The following GPR137B variants were observed in gnomAD, a reference collection of about 807,000 sequenced individuals.
The protein encoded by GPR137B is G protein-coupled receptor 137B.
Under a neutral mutation model 42.5 loss-of-function variants are expected in GPR137B, and 42 were observed. The observed-to-expected ratio is 0.99, with a 90% confidence interval of 0.77 to 1.28. The LOEUF is 1.28. Among genes scored for constraint, GPR137B ranks in the 50% most tolerant of loss-of-function variants. GPR137B has a pLI of 0.00. For missense variants in GPR137B, 487 were observed against 493.9 expected, an observed-to-expected ratio of 0.99 and a Z score of 0.13; for synonymous variants, 218 against 209.7, an observed-to-expected ratio of 1.04 and a Z score of -0.34.
chr1:236,202,682 G>A (rs1663527340), intron 5 of GPR137B, among the ~76,000 whole-genome samples: 1 of 150,782 alleles, frequency 6.6e-6, no homozygotes, highest in Non-Finnish European at 1.5e-5. Context: ...TTCCCTGCCT[G>A]TTGAACTTTC....
intron 6 of GPR137B, 50 bp downstream of exon 6, chr1:236,205,300 C>A (rs375859034): frequency 6.5e-7 from 1 of 1,527,356 alleles, no homozygotes. Flanking sequence ...GGAAGGGTTA[C>A]ACCAGTTAAA....
chr1:236,144,162 T>C (rs1661618319), intron 1 of GPR137B, among the ~76,000 whole-genome samples: 1 of 151,954 alleles, frequency 6.6e-6, no homozygotes, highest in African/African-American at 2.4e-5. Context: ...ATGCCTGTCA[T>C]CCCAGCATTG....
At chr1:236,153,207 A>G (rs954538858) in intron 1 of GPR137B, among the ~76,000 whole-genome samples, 7 of 152,158 alleles carry the variant, frequency 4.6e-5, no homozygotes, top group African/African-American at 1.7e-4. Flanking sequence ...CGCAGCTGTC[A>G]CCTCTATCTA....
intron 1 of GPR137B, among the ~76,000 whole-genome samples, chr1:236,149,197 G>A (rs1318489941): frequency 1.3e-5 from 2 of 152,166 alleles, no homozygotes; most frequent in African/African-American, 4.8e-5. Flanking sequence ...CAGCTTTTCT[G>A]TTTGTAAAAC....
rs1312477239 is a variant in GPR137B, at chr1:236,208,046, T to TAA, written c.1092-3_1092-2dup. 1.9e-6 allele frequency: 3 copies of TAA among 1,606,774 alleles called. No individual in the cohort carries two copies. Among genetic ancestry groups the TAA allele is most frequent in the South Asian group, 1.1e-5 (1 of 90,926 alleles). The stretch of plus-strand genomic sequence containing the variant: ...AGTCACTGAAATATTTTTTTCTTTT[T>TAA]AAGTTTTGCTCCAGATTACTATGAT... On this transcript the variant is annotated splice_polypyrimidine_tract_variant and splice_region_variant and intron_variant, in intron 6 of 6. Coordinates refer to ENST00000366592, the MANE Select transcript of GPR137B (RefSeq NM_003272.4).
rs778730851 is a variant in GPR137B at position 236,178,527 on chromosome 1, T to C, written c.578T>C (p.Val193Ala). 6.2e-7 allele frequency: 1 copy of C among 1,613,292 alleles called. No homozygotes were observed. The highest frequency in any genetic ancestry group is 1.7e-5 in the Admixed American group (1 of 60,010). ...GNWERKVIVS[V>A]RVAINDTLFV... Reference sequence around the variant, plus strand: ...TGGGAGAGGAAGGTTATCGTCTCTGTGCGAGTGGCCATTAATGACACGCTC... The same window carrying C: ...TGGGAGAGGAAGGTTATCGTCTCTGCGCGAGTGGCCATTAATGACACGCTC... Residue 193 changes from valine to alanine, a missense_variant, in exon 3 of 7, where the codon GTG becomes GCG. Coordinates refer to ENST00000366592, the MANE Select transcript of GPR137B (RefSeq NM_003272.4).
chr1:236,185,262 A>T (rs1277458183), intron 5 of GPR137B, among the ~76,000 whole-genome samples: 2 of 152,240 alleles, frequency 1.3e-5, no homozygotes, highest in Admixed American at 6.5e-5. Flanking sequence ...AATACACTGC[A>T]GGTGGGGCAT....
At chr1:236,174,621 C>T (rs1435246838) in intron 2 of GPR137B, among the ~76,000 whole-genome samples, 1 of 152,122 alleles carries the variant, frequency 6.6e-6, no homozygotes, top group Non-Finnish European at 1.5e-5. Flanking sequence ...AAGAACATTA[C>T]AGTTAGAGTC....
chr1:236,183,757 C>T (rs1461088431), intron 4 of GPR137B, 21 bp from the exon 5 acceptor site: 11 of 1,583,354 alleles, frequency 6.9e-6, no homozygotes, highest in Admixed American at 1.7e-5. Flanking sequence ...TCTGATGACT[C>T]TCCCTGTCTG....
intron 5 of GPR137B, among the ~76,000 whole-genome samples, chr1:236,203,302 C>A (rs1271655104): frequency 2.0e-5 from 3 of 152,132 alleles, no homozygotes; most frequent in Non-Finnish European, 4.4e-5. Context: ...TGGTCTTGAT[C>A]TCCTGACCTC....
intron 5 of GPR137B, among the ~76,000 whole-genome samples, chr1:236,203,827 A>G (rs1457743569): frequency 6.6e-6 from 1 of 152,140 alleles, no homozygotes; most frequent in Non-Finnish European, 1.5e-5. Context: ...TAGAAATGCT[A>G]CTGATTTTTT....
chr1:236,203,953 C>T (rs1173998160), intron 5 of GPR137B, among the ~76,000 whole-genome samples: 2 of 152,150 alleles, frequency 1.3e-5, no homozygotes, highest in East Asian at 1.9e-4. Context: ...CTAGGACTTC[C>T]AGTACTATGT....
intron 6 of GPR137B, among the ~76,000 whole-genome samples, chr1:236,207,496 T>C (rs1158014733): frequency 6.6e-6 from 1 of 152,008 alleles, no homozygotes; most frequent in Non-Finnish European, 1.5e-5. Flanking sequence ...GCTGAGGGAG[T>C]CCTCACTACC....
At position 236,173,367 on chromosome 1, in the gene GPR137B, G is replaced by A. The variant is rs143190565; in HGVS notation, c.464+4612G>A. Among the ~76,000 whole-genome samples, 1,037 of 148,768 alleles carry A rather than the reference G, an allele frequency of 7.0e-3. 3 individuals carry two copies. Among genetic ancestry groups the A allele is most frequent in the Non-Finnish European group, 0.011 (755 of 67,130 alleles). ...AAGAGAGAGAGAGAAAGGAAGAAAC[G>A]AAGGAAGGGAAAGAGAGAAAGACAG... On this transcript the variant is annotated intron_variant, in intron 2 of 6. Coordinates refer to ENST00000366592, the MANE Select transcript of GPR137B (RefSeq NM_003272.4).
intron 4 of GPR137B, among the ~76,000 whole-genome samples, chr1:236,180,969 AGG>A (rs961935361): frequency 2.6e-5 from 4 of 152,200 alleles, no homozygotes; most frequent in African/African-American, 9.7e-5. Context: ...ATATTATTAA[AGG>A]GTGACATTTG....
At chr1:236,191,534 C>T (rs556149096) in intron 5 of GPR137B, among the ~76,000 whole-genome samples, 1 of 151,802 alleles carries the variant, frequency 6.6e-6, no homozygotes, top group Non-Finnish European at 1.5e-5. Context: ...TCTGAGTGGA[C>T]ATGCTCTTCC....
At position 236,147,921 on chromosome 1, in the gene GPR137B, C is replaced by G. The variant is rs1401456367; in HGVS notation, c.414+4885C>G. Reference sequence around the variant, plus strand: ...TAGGACTGGTTCTGCTAACTCTCTCCGGGCCGTCTGTATGCAGTGTCTGTC... The same window carrying G: ...TAGGACTGGTTCTGCTAACTCTCTCGGGGCCGTCTGTATGCAGTGTCTGTC... On this transcript the variant is annotated intron_variant, in intron 1 of 6. Coordinates refer to ENST00000366592, the MANE Select transcript of GPR137B (RefSeq NM_003272.4). Among the ~76,000 whole-genome samples, 3 of 152,206 alleles carry G rather than the reference C, an allele frequency of 2.0e-5. 1 individual carries two copies. Among genetic ancestry groups the G allele is most frequent in the African/African-American group, 7.2e-5 (3 of 41,452 alleles).
chr1:236,146,639 C>T (rs531938668), intron 1 of GPR137B, among the ~76,000 whole-genome samples: 67 of 152,318 alleles, frequency 4.4e-4, no homozygotes, highest in African/African-American at 1.3e-3. Context: ...GCAATGCACA[C>T]GATGCTGCAG....
chr1:236,201,705 C>T (rs937970920), intron 5 of GPR137B, among the ~76,000 whole-genome samples: 16 of 152,064 alleles, frequency 1.1e-4, no homozygotes, highest in African/African-American at 3.4e-4. Context: ...TCACCTTTCT[C>T]TGGTATCTCT....
Sources: gnomAD v4.1 joint callset for allele counts (sites outside exome capture counted in the v4.1 genomes callset) on GRCh38, gnomAD v4.1.1 for gene constraint, MANE v1.5 for transcripts, NCBI Gene and HGNC (gene_info 2026-07-23, HGNC 2026-07-21) for gene names.